Variants in GRID2 observed in about 807,000 individuals in gnomAD.
GRID2 encodes glutamate receptor ionotropic, delta-2.
In GRID2, 33 loss-of-function variants were observed where a neutral mutation model predicts 114.8. The ratio of observed to expected loss-of-function variants is 0.29; its 90% CI spans 0.22 to 0.38. GRID2 has a LOEUF of 0.38. GRID2 is among the 10% of genes least tolerant of loss of function. GRID2 has a pLI of 1.00. For missense variants in GRID2, 1,184 were observed against 1,257.7 expected, an observed-to-expected ratio of 0.94 and a Z score of 0.89; for synonymous variants, 505 against 449.9, an observed-to-expected ratio of 1.12 and a Z score of -1.55.
At chr4:93,215,626 G>A (rs368061987) in intron 5 of GRID2, among the ~76,000 whole-genome samples, 205 of 152,082 alleles carry the variant, frequency 1.3e-3, no homozygotes, top group African/African-American at 4.4e-3. Flanking sequence ...ACTAGAGCTA[G>A]CTGATGGGAG....
At chr4:93,076,967 A>T (rs1237013442) in intron 2 of GRID2, among the ~76,000 whole-genome samples, 2 of 152,114 alleles carry the variant, frequency 1.3e-5, no homozygotes, top group African/African-American at 4.8e-5. Context: ...AGTCTCTTCT[A>T]GTATGTAGCA....
rs115013188 is a variant in GRID2 at position 92,464,473 on chromosome 4, G to C, written c.89-125658G>C. On this transcript the variant is annotated intron_variant, in intron 1 of 15. Transcript: ENST00000282020. ...AACTTTTTGCTCTACCCACTTTAGA[G>C]TAGACTGGAAGTATTAGGCCAATAT... is the stretch of plus-strand genomic sequence containing the variant. Among the ~76,000 whole-genome samples, 1,059 of 152,134 alleles carry C rather than the reference G, an allele frequency of 7.0e-3. 16 individuals carry two copies. The highest frequency in any genetic ancestry group is 0.024 in the African/African-American group (1,004 of 41,506).
intron 1 of GRID2, among the ~76,000 whole-genome samples, chr4:92,398,341 C>T (rs1049813709): frequency 6.6e-6 from 1 of 152,052 alleles, no homozygotes; most frequent in African/African-American, 2.4e-5. Context: ...AAACCTGTTG[C>T]CCAGACTGGA....
chr4:92,762,145 A>G (rs1738045668), intron 2 of GRID2, among the ~76,000 whole-genome samples: 2 of 151,760 alleles, frequency 1.3e-5, no homozygotes, highest in African/African-American at 4.8e-5. Flanking sequence ...CATCTCCTGA[A>G]CTCATGATCC....
At chr4:92,839,933 G>C (rs547291945) in intron 2 of GRID2, among the ~76,000 whole-genome samples, 1 of 152,044 alleles carries the variant, frequency 6.6e-6, no homozygotes, top group Non-Finnish European at 1.5e-5. Flanking sequence ...TTCTCCAGCT[G>C]TTACTGTATT....
At chr4:92,507,242 T>C (rs1396123543) in intron 1 of GRID2, among the ~76,000 whole-genome samples, 1 of 151,948 alleles carries the variant, frequency 6.6e-6, no homozygotes, top group Non-Finnish European at 1.5e-5. Flanking sequence ...GAGTGTCATA[T>C]ATTTCCTGCA....
chr4:92,940,425 G>T (rs1751019884), intron 2 of GRID2, among the ~76,000 whole-genome samples: 1 of 150,394 alleles, frequency 6.6e-6, no homozygotes. Flanking sequence ...TTTGTATCCT[G>T]AGACTTTGCT....
At chr4:93,761,200 A>G (rs1733177452) in intron 14 of GRID2, among the ~76,000 whole-genome samples, 1 of 152,204 alleles carries the variant, frequency 6.6e-6, no homozygotes, top group South Asian at 2.1e-4. Flanking sequence ...ATGTTAATAC[A>G]TATTAATACA....
chr4:93,188,833 A>T (rs1740687273), intron 4 of GRID2, among the ~76,000 whole-genome samples: 1 of 152,188 alleles, frequency 6.6e-6, no homozygotes, highest in Admixed American at 6.6e-5. Flanking sequence ...GACACGATTC[A>T]GTCAAGTTCC....
At chr4:92,977,718 G>A (rs1753960086) in intron 2 of GRID2, among the ~76,000 whole-genome samples, 1 of 152,130 alleles carries the variant, frequency 6.6e-6, no homozygotes, top group Admixed American at 6.5e-5. Flanking sequence ...TTGGAGAGAA[G>A]TCAAGATATA....
At chr4:92,630,480 A>C (rs1730751228) in intron 2 of GRID2, among the ~76,000 whole-genome samples, 1 of 152,156 alleles carries the variant, frequency 6.6e-6, no homozygotes, top group Admixed American at 6.5e-5. Flanking sequence ...TTAGGGACTT[A>C]GCCTTTGCTA....
At chr4:93,262,631 G>T (rs1418584692) in intron 8 of GRID2, among the ~76,000 whole-genome samples, 4 of 151,606 alleles carry the variant, frequency 2.6e-5, no homozygotes, top group Admixed American at 2.6e-4. Flanking sequence ...AAAATCATTC[G>T]TAATCTTACT....
chr4:93,171,237 T>C (rs1738789595), intron 4 of GRID2, among the ~76,000 whole-genome samples: 2 of 152,308 alleles, frequency 1.3e-5, no homozygotes, highest in South Asian at 2.1e-4. Flanking sequence ...ATACAGACTT[T>C]TTGCTTTTTC....
intron 14 of GRID2, among the ~76,000 whole-genome samples, chr4:93,753,042 A>G (rs1321808233): frequency 1.3e-5 from 2 of 152,172 alleles, no homozygotes; most frequent in Non-Finnish European, 2.9e-5. Context: ...GTTATCACTG[A>G]TTCTCAGAGG....
chr4:93,673,038 T>C (rs1724563884), intron 14 of GRID2, among the ~76,000 whole-genome samples: 1 of 152,180 alleles, frequency 6.6e-6, no homozygotes, highest in Admixed American at 6.5e-5. Context: ...CAATTTAAAT[T>C]ACTTTCAGCC....
At chr4:92,663,843 A>T (rs1222610488) in intron 2 of GRID2, among the ~76,000 whole-genome samples, 1 of 151,216 alleles carries the variant, frequency 6.6e-6, no homozygotes, top group Admixed American at 6.6e-5. Flanking sequence ...CCTTTCTGAC[A>T]TTATAATTTT....
intron 2 of GRID2, among the ~76,000 whole-genome samples, chr4:92,887,839 CTG>C (rs928966374): frequency 2.6e-5 from 4 of 152,144 alleles, no homozygotes; most frequent in Non-Finnish European, 5.9e-5. Context: ...TCTGGCTGAA[CTG>C]TGCATTTTCA....
intron 1 of GRID2, among the ~76,000 whole-genome samples, chr4:92,494,346 T>A (rs1034532754): frequency 2.0e-5 from 3 of 152,002 alleles, no homozygotes; most frequent in Non-Finnish European, 4.4e-5. Flanking sequence ...TTTTTAGTAA[T>A]ACACTTTTAC....
intron 4 of GRID2, among the ~76,000 whole-genome samples, chr4:93,206,202 A>G (rs1279550788): frequency 6.6e-6 from 1 of 152,146 alleles, no homozygotes; most frequent in African/African-American, 2.4e-5. Flanking sequence ...GTATAATGGA[A>G]TAGTATGAAA....
Sources: allele counts gnomAD v4.1 joint callset (sites outside exome capture counted in the v4.1 genomes callset), GRCh38; gene constraint gnomAD v4.1.1; transcripts MANE v1.5; gene names NCBI Gene and HGNC (gene_info 2026-07-23, HGNC 2026-07-21).